FAF1: variants seen among roughly 807,000 people sequenced by gnomAD.
The protein encoded by FAF1 is Fas associated factor 1, also known as FAS-associated factor 1.
In FAF1, 25 loss-of-function variants were observed where a neutral mutation model predicts 92.5. That is an observed-to-expected ratio of 0.27 (90% CI 0.20 to 0.38). The LOEUF is 0.38. Ranked by LOEUF, FAF1 falls within the 10% of genes least tolerant of loss-of-function variation. FAF1 has a pLI of 1.00. For synonymous variants in FAF1, 234 were observed against 273.2 expected (o/e 0.86, Z 1.42); for missense variants, 636 against 793.3 (o/e 0.80, Z 2.38).
In FAF1 at chr1:50,441,209, G is replaced by A. The variant is rs1646162931; in HGVS notation, c.*231C>T. On this transcript the variant is annotated 3_prime_UTR_variant, in exon 19 of 19. Coordinates refer to ENST00000396153, the MANE Select transcript of FAF1 (RefSeq NM_007051.3). The stretch of plus-strand genomic sequence containing the variant: ...GGAGGGTGAAGTGCAGGGGGTAGGG[G>A]AGGGTGGCAGAGTTGTAATTCTCTG... 2.3e-6 allele frequency: 1 copy of A among 431,658 alleles called. No individual in the cohort carries two copies. The highest frequency in any genetic ancestry group is 4.1e-6 in the Non-Finnish European group (1 of 242,440). 26.7% of individuals were successfully genotyped at this position (431,658 alleles called of 1,614,324 possible).
chr1:50,905,040 C>T (rs929703879), intron 1 of FAF1, among the ~76,000 whole-genome samples: 1 of 152,082 alleles, frequency 6.6e-6, no homozygotes, highest in Non-Finnish European at 1.5e-5. Context: ...AACACCAGCC[C>T]CCCACCCCAC....
chr1:50,920,927 CAAT>C (rs1369340052), intron 1 of FAF1, among the ~76,000 whole-genome samples: 3 of 151,390 alleles, frequency 2.0e-5, no homozygotes, highest in Admixed American at 6.6e-5. Context: ...CTATCACAGG[CAAT>C]AAAGTAAGAA....
intron 18 of FAF1, among the ~76,000 whole-genome samples, chr1:50,472,859 T>C (rs1197889199): frequency 2.0e-5 from 3 of 152,326 alleles, no homozygotes; most frequent in Non-Finnish European, 2.9e-5. Flanking sequence ...AGAATAGCCT[T>C]GCAAAAACAC....
intron 1 of FAF1, among the ~76,000 whole-genome samples, chr1:50,935,084 G>T (rs778376239): frequency 1.3e-5 from 2 of 151,912 alleles, no homozygotes; most frequent in Non-Finnish European, 2.9e-5. Flanking sequence ...AACTGCAAAG[G>T]TATTGAAAAA....
intron 12 of FAF1, among the ~76,000 whole-genome samples, chr1:50,578,811 T>C (rs1650867412): frequency 6.6e-6 from 1 of 152,158 alleles, no homozygotes; most frequent in Non-Finnish European, 1.5e-5. Flanking sequence ...ACAATCTGCT[T>C]GATGACTTCA....
chr1:50,750,820 AC>A (rs1659832075), intron 4 of FAF1, among the ~76,000 whole-genome samples: 1 of 151,144 alleles, frequency 6.6e-6, no homozygotes, highest in Non-Finnish European at 1.5e-5. Flanking sequence ...ACGGGGGTTA[AC>A]CATGCAGGCC....
chr1:50,523,856 C>A (rs1321117234), intron 15 of FAF1, among the ~76,000 whole-genome samples: 1 of 152,142 alleles, frequency 6.6e-6, no homozygotes, highest in Non-Finnish European at 1.5e-5. Flanking sequence ...TGAACATAGA[C>A]ATGCAAGTGT....
intron 1 of FAF1, among the ~76,000 whole-genome samples, chr1:50,942,266 C>T (rs1047967816): frequency 1.3e-5 from 2 of 152,104 alleles, no homozygotes; most frequent in Non-Finnish European, 1.5e-5. Context: ...TTTGGGAGGC[C>T]GAAGTGGGCA....
At chr1:50,891,943 C>A (rs1644723457) in intron 1 of FAF1, among the ~76,000 whole-genome samples, 1 of 152,148 alleles carries the variant, frequency 6.6e-6, no homozygotes, top group Non-Finnish European at 1.5e-5. Flanking sequence ...TCAGCTATGC[C>A]CTGTCCCCAG....
intron 15 of FAF1, among the ~76,000 whole-genome samples, chr1:50,534,774 A>G (rs1200172285): frequency 4.3e-4 from 65 of 152,214 alleles, no homozygotes; most frequent in Non-Finnish European, 2.2e-4. Context: ...AATACTAGGT[A>G]AGTATTGAAC....
Position 50,437,397 on chromosome 1 carries a change from T to TA in FAF1, c.*4042_*4043insT, listed in dbSNP as rs1476486344. 6.7e-5 allele frequency: 10 copies of TA among 150,362 alleles called. No homozygotes were observed. Among genetic ancestry groups the TA allele is most frequent in the African/African-American group, 2.5e-4 (10 of 40,190 alleles). The allele number at this position is 150,362 out of a possible 1,614,324, so 9.3% of individuals were successfully genotyped here. ...TTTAACCTTTCTTTTTTTTTTTTTT[T>TA]TAAAGAGATGAGGTCTTACTCTGAT... On this transcript the variant is annotated 3_prime_UTR_variant, in exon 19 of 19. Coordinates refer to ENST00000396153, the MANE Select transcript of FAF1 (RefSeq NM_007051.3).
intron 6 of FAF1, among the ~76,000 whole-genome samples, chr1:50,712,605 G>A (rs1318398310): frequency 1.3e-5 from 2 of 152,030 alleles, no homozygotes; most frequent in East Asian, 1.9e-4. Context: ...GCAGTGAGCC[G>A]AAATCGCACC....
rs762588830 is a variant in FAF1, at chr1:50,444,275, C to T, written c.1870-2752G>A. On this transcript the variant is annotated intron_variant, in intron 18 of 18. Transcript: ENST00000396153. ...AGGACATGGAGCATGCCAGGAGGGA[C>T]CTCCTGCTTAGGAAAGAGCCTAAAA... Among the ~76,000 whole-genome samples the T allele has an allele frequency of 7.4e-4, 113 of 152,182 alleles. 1 individual carries two copies. The highest frequency in any genetic ancestry group is 1.0e-3 in the Non-Finnish European group (68 of 68,042).
chr1:50,727,663 C>T (rs111445808), intron 6 of FAF1, among the ~76,000 whole-genome samples: 3,023 of 152,252 alleles, frequency 0.02, 98 homozygotes, highest in African/African-American at 0.07. Context: ...GTATTGCTCC[C>T]TTGACTGAAA....
chr1:50,896,767 AC>A (rs1014453363), intron 1 of FAF1, among the ~76,000 whole-genome samples: 10 of 152,252 alleles, frequency 6.6e-5, no homozygotes, highest in African/African-American at 2.2e-4. Context: ...TAAAATGGTG[AC>A]CGTCAGACAA....
chr1:50,748,159 T>C (rs1659702122), intron 4 of FAF1, among the ~76,000 whole-genome samples: 1 of 152,208 alleles, frequency 6.6e-6, no homozygotes, highest in Non-Finnish European at 1.5e-5. Context: ...ATAGTTGGTC[T>C]GCAAAGGACA....
At chr1:50,697,209 A>G (rs991610860) in intron 7 of FAF1, among the ~76,000 whole-genome samples, 1 of 152,228 alleles carries the variant, frequency 6.6e-6, no homozygotes, top group Non-Finnish European at 1.5e-5. Flanking sequence ...TTAGTGACCA[A>G]TAAACTAATT....
At chr1:50,560,389 AG>A (rs1260782807) in intron 13 of FAF1, among the ~76,000 whole-genome samples, 2 of 152,252 alleles carry the variant, frequency 1.3e-5, no homozygotes, top group Non-Finnish European at 1.5e-5. Context: ...ACCACACCCA[AG>A]GGCATTAAGT....
At chr1:50,524,729 G>T (rs753570624) in intron 15 of FAF1, among the ~76,000 whole-genome samples, 6 of 152,180 alleles carry the variant, frequency 3.9e-5, no homozygotes, top group Non-Finnish European at 5.9e-5. Context: ...TTTCTATTCT[G>T]TTCCATTGGT....
Sources: gnomAD v4.1 joint callset for allele counts (sites outside exome capture counted in the v4.1 genomes callset) on GRCh38, gnomAD v4.1.1 for gene constraint, MANE v1.5 for transcripts, NCBI Gene and HGNC (gene_info 2026-07-23, HGNC 2026-07-21) for gene names.